The following MB variants were observed in gnomAD, a reference collection of about 807,000 sequenced individuals.
The protein encoded by MB is myoglobin, also known as nitrite reductase MB.
In MB, 10 loss-of-function variants were observed where a neutral mutation model predicts 14.5. That is an observed-to-expected ratio of 0.69 (90% CI 0.43 to 1.17). The LOEUF is 1.17. Among genes scored for constraint, MB ranks in the 50% most tolerant of loss-of-function variants. The probability of loss-of-function intolerance (pLI) is 0.00; values close to 1 mark genes in which losing one functional copy is unlikely to be tolerated. For missense variants in MB, 169 were observed against 192.7 expected, an observed-to-expected ratio of 0.88 and a Z score of 0.73; for synonymous variants, 89 against 78.6, an observed-to-expected ratio of 1.13 and a Z score of -0.70.
At chr22:35,621,602 G>A (rs1160703675), upstream of MB, among the ~76,000 whole-genome samples, 1 of 152,102 alleles carries the variant, frequency 6.6e-6, no homozygotes, top group African/African-American at 2.4e-5. Context: ...TCTGGCATCT[G>A]CTTGAATACT....
intron 1 of MB, 59 bp from the exon 2 acceptor site, chr22:35,611,165 A>G: frequency 8.1e-7 from 1 of 1,237,740 alleles, no homozygotes. Flanking sequence ...GTCTGGGGGC[A>G]GCCAGACTAG....
At chr22:35,618,321 G>A (rs1647394238), upstream of MB, among the ~76,000 whole-genome samples, 1 of 152,164 alleles carries the variant, frequency 6.6e-6, no homozygotes, top group Non-Finnish European at 1.5e-5. Context: ...TATCTCTTGG[G>A]CCTCACATGG....
intron 2 of MB, among the ~76,000 whole-genome samples, chr22:35,609,700 G>A (rs1007247797): frequency 1.3e-5 from 2 of 152,152 alleles, no homozygotes; most frequent in African/African-American, 4.8e-5. Flanking sequence ...GATGAGAAGG[G>A]TACTTGCCTG....
intron 1 of MB, among the ~76,000 whole-genome samples, chr22:35,615,409 C>A (rs1922994658): frequency 6.6e-6 from 1 of 152,182 alleles, no homozygotes; most frequent in Non-Finnish European, 1.5e-5. Flanking sequence ...CAACCCTAGG[C>A]ATTATGTCTT....
At chr22:35,607,641 A>G (rs955621286) in intron 2 of MB, among the ~76,000 whole-genome samples, 198 bp from the exon 3 acceptor site, 3 of 152,134 alleles carry the variant, frequency 2.0e-5, no homozygotes, top group Non-Finnish European at 4.4e-5. Context: ...AGATACTACA[A>G]CTGCCCTCGA....
At chr22:35,616,132 T>C (rs1171821821) in intron 1 of MB, among the ~76,000 whole-genome samples, 3 of 152,224 alleles carry the variant, frequency 2.0e-5, no homozygotes, top group Non-Finnish European at 2.9e-5. Flanking sequence ...CATTCACTTG[T>C]GGCAACCCCG....
At chr22:35,613,030 A>G (rs1468693851) in intron 1 of MB, among the ~76,000 whole-genome samples, 5 of 152,168 alleles carry the variant, frequency 3.3e-5, no homozygotes, top group South Asian at 2.1e-4. Context: ...ACCTCGCTCC[A>G]GGACCTTATC....
chr22:35,609,219 G>A (rs970384579), intron 2 of MB, among the ~76,000 whole-genome samples: 13 of 152,178 alleles, frequency 8.5e-5, no homozygotes, highest in African/African-American at 2.7e-4. Flanking sequence ...CTGGGAGACC[G>A]CTGGGCAAAG....
At chr22:35,612,839 C>T (rs530920704) in intron 1 of MB, among the ~76,000 whole-genome samples, 1 of 152,320 alleles carries the variant, frequency 6.6e-6, no homozygotes, top group South Asian at 2.1e-4. Context: ...CATGCAGGCT[C>T]TCACAGATGT....
intron 1 of MB, among the ~76,000 whole-genome samples, chr22:35,612,959 G>A (rs1461680801): frequency 1.3e-5 from 2 of 152,050 alleles, no homozygotes; most frequent in African/African-American, 4.8e-5. Context: ...GCACAAGCCT[G>A]AACCACATAC....
At chr22:35,617,750 A>G (rs1374640296), upstream of MB, among the ~76,000 whole-genome samples, 2 of 151,988 alleles carry the variant, frequency 1.3e-5, no homozygotes, top group East Asian at 3.9e-4. Flanking sequence ...GCCATTCGCA[A>G]CCTCTCACGC....
rs575556314 is a variant in MB at position 35,614,404 on chromosome 22, A to G, written c.95+2759T>C. 1.8e-4 allele frequency among the ~76,000 whole-genome samples: 27 copies of G among 152,038 alleles called. 1 individual carries two copies. The South Asian group carries it at 5.0e-3, about 28-fold the overall frequency. ...GGAGTTCGAGACCAGCCTGGCCAAC[A>G]TGGCGAAACCTAGTCTCTACTAAAA... On this transcript the variant is annotated intron_variant, in intron 1 of 2. Transcript: ENST00000397326.
chr22:35,620,483 AC>A (rs1423210874), upstream of MB, among the ~76,000 whole-genome samples: 1 of 151,984 alleles, frequency 6.6e-6, no homozygotes, highest in Admixed American at 6.6e-5. Flanking sequence ...AGGAAAGACA[AC>A]TCTGAGAGGG....
At chr22:35,613,307 G>A (rs1922794663) in intron 1 of MB, among the ~76,000 whole-genome samples, 1 of 152,242 alleles carries the variant, frequency 6.6e-6, no homozygotes, top group African/African-American at 2.4e-5. Flanking sequence ...CTAGGGAAGA[G>A]AACATGGGAC....
chr22:35,611,197 C>T, intron 1 of MB, 91 bp from the exon 2 acceptor site: 1 of 881,808 alleles, frequency 1.1e-6, no homozygotes, highest in South Asian at 1.5e-5. Flanking sequence ...AGCTCCCTGT[C>T]TTCCCAGCTG....
rs544582440 is a variant in MB, at chr22:35,608,800, T to C, written c.319-1357A>G. ...GGAGTCCATGGCAGAGCCACTCATA[T>C]CTAGAAAACAGTGGAACGGAGCCAC... On this transcript the variant is annotated intron_variant, in intron 2 of 2. Transcript: ENST00000397326. The surrounding 1 kb of genome is among the most constrained non-coding windows in gnomAD (Gnocchi z 4.3). 2.6e-5 allele frequency among the ~76,000 whole-genome samples: 4 copies of C among 152,252 alleles called. No homozygotes were observed. The highest frequency in any genetic ancestry group is 9.6e-5 in the African/African-American group (4 of 41,526).
chr22:35,616,869 C>T (rs45494093), intron 1 of MB, among the ~76,000 whole-genome samples: 8,694 of 152,234 alleles, frequency 0.057, 324 homozygotes, highest in Non-Finnish European at 0.084. Flanking sequence ...CTCTCAGGAC[C>T]CTTGTTAACT....
chr22:35,608,211 GT>G lies in MB; in HGVS notation c.319-769del, dbSNP rs1241997651. 5.3e-5 allele frequency among the ~76,000 whole-genome samples: 8 copies of G among 152,364 alleles called. No homozygotes were observed. The highest frequency in any genetic ancestry group is 1.7e-4 in the African/African-American group (7 of 41,592). ...TTTAGGGATGGAAAGACTCATGGAT[GT>G]GAAATGCGGCTGTGCTTTCTCAAGT... On this transcript the variant is annotated intron_variant, in intron 2 of 2. Transcript: ENST00000397326. The surrounding 1 kb of genome is among the most constrained non-coding windows in gnomAD (Gnocchi z 4.3).
intron 1 of MB, among the ~76,000 whole-genome samples, chr22:35,615,082 G>T (rs5755791): frequency 0.67 from 102,452 of 152,056 alleles, 36,107 homozygotes; most frequent in East Asian, 0.93. Context: ...GTTTGTGTAC[G>T]TGCAGTGAAG....
Sources: allele counts gnomAD v4.1 joint callset (sites outside exome capture counted in the v4.1 genomes callset), GRCh38; gene constraint gnomAD v4.1.1; non-coding constraint Gnocchi (gnomAD v3.1); transcripts MANE v1.5; gene names NCBI Gene and HGNC (gene_info 2026-07-23, HGNC 2026-07-21).